Variants in ELL observed in about 807,000 individuals in gnomAD.
ELL encodes the protein RNA polymerase II elongation factor ELL.
ELL carries 18 observed loss-of-function variants against 64.0 expected under a neutral mutation model. The observed-to-expected ratio is 0.28, with a 90% CI of 0.19 to 0.42. The LOEUF (loss-of-function observed/expected upper bound fraction) is 0.42. Among genes scored for constraint, ELL ranks in the 10% least tolerant of loss-of-function variants. The pLI is 1.00. For synonymous variants in ELL, 399 were observed against 376.2 expected (o/e 1.06, Z -0.70); for missense variants, 797 against 870.4 (o/e 0.92, Z 1.06).
At chr19:18,457,650 G>C (rs904883458) in intron 6 of ELL, among the ~76,000 whole-genome samples, 7 of 152,250 alleles carry the variant, frequency 4.6e-5, no homozygotes, top group Non-Finnish European at 8.8e-5. Context: ...CAGCAGTGGA[G>C]AAGGAAGTCA....
intron 1 of ELL, among the ~76,000 whole-genome samples, chr19:18,480,503 G>A (rs897446619): frequency 6.6e-5 from 10 of 152,220 alleles, no homozygotes; most frequent in Admixed American, 4.6e-4. Flanking sequence ...CAGGACCCAC[G>A]GCAGCTCCTC....
intron 6 of ELL, among the ~76,000 whole-genome samples, chr19:18,457,023 C>A (rs776956985): frequency 1.3e-5 from 2 of 151,830 alleles, no homozygotes; most frequent in Non-Finnish European, 2.9e-5. Context: ...GTGGTTATGG[C>A]CCAGGGACAT....
chr19:18,465,611 G>C (rs201841887), intron 3 of ELL, 36 bp from the exon 4 acceptor site: 2 of 1,555,008 alleles, frequency 1.3e-6, no homozygotes, highest in Non-Finnish European at 1.7e-6. Flanking sequence ...GTCAGCAGCT[G>C]GGACAATGCA....
chr19:18,460,818 C>T (rs1208626898), intron 5 of ELL, among the ~76,000 whole-genome samples: 2 of 152,236 alleles, frequency 1.3e-5, no homozygotes, highest in Admixed American at 6.5e-5. Context: ...CATGTCTCTT[C>T]CTCCACCACA....
At chr19:18,514,249 G>A (rs900522213) in intron 1 of ELL, among the ~76,000 whole-genome samples, 1 of 151,724 alleles carries the variant, frequency 6.6e-6, no homozygotes, top group Admixed American at 6.6e-5. Context: ...ACGGTGGCTC[G>A]CACCTGTTAA....
Position 18,503,701 on chromosome 19 carries a change from G to C in ELL, c.135+18220C>G, listed in dbSNP as rs571402090. ...CGGGACCTGTTACTCTGGCCACCTGGAGCCAGCGGGAGTGGAGAATGGGCT... is the reference window on the plus strand; with the variant it reads ...CGGGACCTGTTACTCTGGCCACCTGCAGCCAGCGGGAGTGGAGAATGGGCT... On this transcript the variant is annotated intron_variant, in intron 1 of 11. Coordinates refer to ENST00000262809, the MANE Select transcript of ELL (RefSeq NM_006532.4). Among the ~76,000 whole-genome samples the C allele has an allele frequency of 1.3e-4, 20 of 152,266 alleles. 1 individual carries two copies. In the South Asian group the frequency reaches 3.1e-3, roughly 24 times the overall value.
chr19:18,481,476 G>A (rs1199938975), intron 1 of ELL, among the ~76,000 whole-genome samples: 4 of 152,102 alleles, frequency 2.6e-5, no homozygotes, highest in Non-Finnish European at 5.9e-5. Context: ...CAGCCTTCAA[G>A]TCCTCTTCTG....
chr19:18,445,106 C>CA (rs752113484), intron 11 of ELL, 118 bp downstream of exon 11: 52 of 1,444,202 alleles, frequency 3.6e-5, no homozygotes, highest in Non-Finnish European at 4.8e-5. Context: ...GCCTCAGACT[C>CA]AAAGGCTCTT....
At chr19:18,492,558 G>C (rs1975554728) in intron 1 of ELL, among the ~76,000 whole-genome samples, 1 of 152,136 alleles carries the variant, frequency 6.6e-6, no homozygotes, top group African/African-American at 2.4e-5. Flanking sequence ...AGTGAGACTC[G>C]CTACTCAATC....
intron 8 of ELL, among the ~76,000 whole-genome samples, chr19:18,450,203 C>G (rs1266916759): frequency 6.6e-6 from 1 of 152,270 alleles, no homozygotes; most frequent in Non-Finnish European, 1.5e-5. Context: ...GGCCTCAGTT[C>G]CCCACAAGGC....
rs145570868 is a variant in ELL, at chr19:18,458,274, T to C, written c.800A>G (p.Lys267Arg). 3.4e-5 allele frequency: 55 copies of C among 1,613,340 alleles called. No individual in the cohort carries two copies. Among genetic ancestry groups the C allele is most frequent in the Admixed American group, 8.3e-5 (5 of 60,014 alleles). ...GCCAGGCCAGTCCTTCTGCACATCC[T>C]TGTACATGCAGTCCTGCAGTGTACA... is the stretch of plus-strand genomic sequence containing the variant. The part of the protein sequence containing the change: ...GTCTLQDCMY[K>R]DVQKDWPGYS... Residue 267 changes from lysine to arginine, a missense_variant, in exon 6 of 12, where the codon AAG (lysine) becomes AGG (arginine). Lys to Arg is a conservative substitution (Grantham distance 26, BLOSUM62 2). Transcript: ENST00000262809.
intron 1 of ELL, among the ~76,000 whole-genome samples, chr19:18,498,856 A>AAG (rs1179002709): frequency 6.6e-6 from 1 of 152,208 alleles, no homozygotes; most frequent in Non-Finnish European, 1.5e-5. Context: ...AGGCTGAGGC[A>AAG]GGAGAATCGC....
Position 18,449,247 on chromosome 19 carries a change from C to T in ELL, c.1465+1230G>A, listed in dbSNP as rs1429141038. On this transcript the variant is annotated intron_variant, in intron 8 of 11. Transcript: ENST00000262809. This position sits in a 1 kb window ranked among gnomAD's most constrained non-coding sequence, Gnocchi z 4.4. The stretch of plus-strand genomic sequence containing the variant: ...CAGAGTGGTCTGTGGACCCTGGAGC[C>T]GGGCCAAGGGTCTCAAATGGCAGAT... 6.6e-6 allele frequency among the ~76,000 whole-genome samples: 1 copy of T among 152,102 alleles called. No individual in the cohort carries two copies. Among genetic ancestry groups the T allele is most frequent in the Non-Finnish European group, 1.5e-5 (1 of 68,016 alleles).
chr19:18,477,577 C>T (rs1215079659), intron 1 of ELL, among the ~76,000 whole-genome samples: 1 of 152,176 alleles, frequency 6.6e-6, no homozygotes, highest in African/African-American at 2.4e-5. Flanking sequence ...GGTGCCGACA[C>T]TGCACATCAG....
At chr19:18,515,075 A>G (rs1052583621) in intron 1 of ELL, among the ~76,000 whole-genome samples, 1 of 152,238 alleles carries the variant, frequency 6.6e-6, no homozygotes, top group East Asian at 1.9e-4. Flanking sequence ...TTTCCGAGTG[A>G]GCGCTGCCTG....
chr19:18,511,794 G>A (rs1444339575), intron 1 of ELL, among the ~76,000 whole-genome samples: 1 of 151,964 alleles, frequency 6.6e-6, no homozygotes, highest in Admixed American at 6.6e-5. Flanking sequence ...TGAGGTTGGA[G>A]GACTGCTTGA....
chr19:18,466,058 T>C, intron 2 of ELL, 140 bp from the exon 3 acceptor site: 2 of 853,924 alleles, frequency 2.3e-6, no homozygotes, highest in Non-Finnish European at 3.1e-6. Flanking sequence ...ACACCCCTGC[T>C]CTTCAGCCAG....
Position 18,491,872 on chromosome 19 carries a change from G to C in ELL, c.136-18990C>G, listed in dbSNP as rs1035055278. On this transcript the variant is annotated intron_variant, in intron 1 of 11. Coordinates refer to ENST00000262809, the MANE Select transcript of ELL (RefSeq NM_006532.4). ...GTTGAGATTGCAGTACAGCCTGGGT[G>C]AAAGTGTGAGACCCAGTCTAAAAAA... Among the ~76,000 whole-genome samples, 5 of 152,172 alleles carry C rather than the reference G, an allele frequency of 3.3e-5. No homozygotes were observed. The East Asian group carries it at 9.6e-4, about 29-fold the overall frequency.
At chr19:18,447,364 C>T (rs1568374309) in intron 8 of ELL, among the ~76,000 whole-genome samples, 2 of 152,366 alleles carry the variant, frequency 1.3e-5, no homozygotes, top group East Asian at 1.9e-4. Context: ...TTGGTCTGTG[C>T]CCCACCCAGA....
Sources: allele counts gnomAD v4.1 joint callset (sites outside exome capture counted in the v4.1 genomes callset), GRCh38; gene constraint gnomAD v4.1.1; non-coding constraint Gnocchi (gnomAD v3.1); transcripts MANE v1.5; gene names NCBI Gene and HGNC (gene_info 2026-07-23, HGNC 2026-07-21).